MSH3: variants seen among roughly 807,000 people sequenced by gnomAD.
MSH3 encodes the protein DNA mismatch repair protein Msh3.
In MSH3, 106 loss-of-function variants were observed where a neutral mutation model predicts 123.3. That is an observed-to-expected ratio of 0.86 (90% CI 0.73 to 1.01). The LOEUF (loss-of-function observed/expected upper bound fraction) is 1.01, where lower values mean the gene tolerates loss of function less well. MSH3 is among the 50% of genes least tolerant of loss of function. The probability of loss-of-function intolerance (pLI) is 0.00; values close to 1 mark genes in which losing one functional copy is unlikely to be tolerated. For synonymous variants in MSH3, 515 were observed against 481.4 expected (o/e 1.07, Z -0.91); for missense variants, 1,459 against 1,347.6 (o/e 1.08, Z -1.29).
intron 11 of MSH3, 104 bp downstream of exon 11, chr5:80,741,652 T>G: frequency 1.3e-6 from 1 of 794,852 alleles, no homozygotes; most frequent in East Asian, 2.5e-5. Flanking sequence ...TATAGTGTCT[T>G]TAGCTGACTG....
At chr5:80,834,773 C>A (rs1430990755) in intron 20 of MSH3, among the ~76,000 whole-genome samples, 1 of 151,888 alleles carries the variant, frequency 6.6e-6, no homozygotes, top group Non-Finnish European at 1.5e-5. Flanking sequence ...AGAGTCAAGA[C>A]CATTGCCTAA....
chr5:80,875,620 A>G, intron 23 of MSH3, 131 bp from the exon 24 acceptor site: 2 of 634,698 alleles, frequency 3.2e-6, no homozygotes, highest in Non-Finnish European at 5.7e-6. Context: ...GAAGGGTGAC[A>G]CTGACACAGC....
In MSH3 at chr5:80,767,963, A is replaced by G. The variant is rs1478729377; in HGVS notation, c.1927A>G (p.Lys643Glu). Reference protein sequence around the residue: ...CSTQEFFLIVKTLYHLKSEFQ... With the variant: ...CSTQEFFLIVETLYHLKSEFQ... ...TACCCAAGAGTTCTTCTTGATTGTC[A>G]AAACTTTATATCACCTAAAGTCAGA... The change falls in exon 14 of 24, where the codon AAA becomes GAA. Residue 643 changes from lysine to glutamate, a missense_variant. By Grantham distance (56) the Lys-to-Glu change is moderately conservative. Transcript: ENST00000265081. 1.2e-6 allele frequency: 2 copies of G among 1,612,868 alleles called. No individual in the cohort carries two copies. Among genetic ancestry groups the G allele is most frequent in the South Asian group, 1.1e-5 (1 of 91,058 alleles).
At chr5:80,698,946 A>G (rs1002581201) in intron 8 of MSH3, among the ~76,000 whole-genome samples, 1 of 152,200 alleles carries the variant, frequency 6.6e-6, no homozygotes, top group Admixed American at 6.5e-5. Flanking sequence ...AACTTAAAGT[A>G]TAATAAAAAT....
At chr5:80,717,900 T>C (rs1750996611) in intron 8 of MSH3, among the ~76,000 whole-genome samples, 1 of 152,230 alleles carries the variant, frequency 6.6e-6, no homozygotes, top group Non-Finnish European at 1.5e-5. Context: ...TGATGGAACA[T>C]TGGTAGTTGC....
At chr5:80,684,125 C>A (rs1021469594) in intron 8 of MSH3, among the ~76,000 whole-genome samples, 2 of 152,122 alleles carry the variant, frequency 1.3e-5, no homozygotes, top group African/African-American at 4.8e-5. Context: ...TGTGATACCT[C>A]CAATTTTGTC....
chr5:80,786,971 A>G (rs1233566189), intron 17 of MSH3, among the ~76,000 whole-genome samples: 1 of 152,018 alleles, frequency 6.6e-6, no homozygotes, highest in African/African-American at 2.4e-5. Flanking sequence ...CATTATTAAT[A>G]AGATAACTGA....
rs565965930 is a variant in MSH3 at position 80,729,490 on chromosome 5, G to A, written c.1568+525G>A. Among the ~76,000 whole-genome samples, 85 of 143,550 alleles carry A rather than the reference G, an allele frequency of 5.9e-4. No homozygotes were observed. In the Middle Eastern group the frequency reaches 0.011, roughly 18 times the overall value. 94.2% of individuals were successfully genotyped at this position (143,550 alleles called of 152,430 possible). A position where few individuals can be genotyped will look rare whatever the true frequency, so the allele number is the denominator to read the frequency against. On this transcript the variant is annotated intron_variant, in intron 10 of 23. Transcript: ENST00000265081. The stretch of plus-strand genomic sequence containing the variant: ...TATATATATATATATAAAGAATTCT[G>A]TCAAATAAATTGTATTCATGATAGC...
intron 6 of MSH3, among the ~76,000 whole-genome samples, chr5:80,674,387 A>T (rs1366186191): frequency 2.0e-5 from 3 of 152,212 alleles, no homozygotes; most frequent in Non-Finnish European, 4.4e-5. Context: ...GTCTTGCTAT[A>T]TCTGGGAGCT....
At chr5:80,783,927 A>G (rs934984334) in intron 17 of MSH3, among the ~76,000 whole-genome samples, 1 of 152,098 alleles carries the variant, frequency 6.6e-6, no homozygotes, top group Non-Finnish European at 1.5e-5. Flanking sequence ...AGTCAGAGCC[A>G]TGGCTGACGC....
At chr5:80,762,770 A>C (rs1351036296) in intron 13 of MSH3, among the ~76,000 whole-genome samples, 2 of 144,288 alleles carry the variant, frequency 1.4e-5, no homozygotes, top group African/African-American at 5.3e-5. Context: ...ATTTTATTTT[A>C]TTTTAATTTT....
chr5:80,873,363 A>G, intron 23 of MSH3, 76 bp downstream of exon 23: 1 of 1,435,872 alleles, frequency 7.0e-7, no homozygotes, highest in South Asian at 1.2e-5. Context: ...GGAGCGTCCT[A>G]AAAATGAACA....
chr5:80,714,416 A>G (rs995654857), intron 8 of MSH3, among the ~76,000 whole-genome samples: 7 of 152,088 alleles, frequency 4.6e-5, no homozygotes, highest in African/African-American at 1.7e-4. Flanking sequence ...GATTACAGGT[A>G]TGAGCCACCA....
At chr5:80,840,793 G>C (rs1745608077) in intron 20 of MSH3, among the ~76,000 whole-genome samples, 1 of 150,806 alleles carries the variant, frequency 6.6e-6, no homozygotes, top group Non-Finnish European at 1.5e-5. Flanking sequence ...CCCGCCCTGT[G>C]CCAATGTGTT....
At chr5:80,684,965 G>A (rs1402852587) in intron 8 of MSH3, among the ~76,000 whole-genome samples, 1 of 151,694 alleles carries the variant, frequency 6.6e-6, no homozygotes, top group Non-Finnish European at 1.5e-5. Flanking sequence ...GTATCATAGT[G>A]ACTGATTTGC....
chr5:80,831,191 G>A (rs532142976), intron 20 of MSH3, among the ~76,000 whole-genome samples: 1 of 152,234 alleles, frequency 6.6e-6, no homozygotes, highest in East Asian at 1.9e-4. Context: ...GCTAGAAGAA[G>A]GCTAGTTATT....
intron 22 of MSH3, among the ~76,000 whole-genome samples, chr5:80,871,465 TAC>T (rs1231310816): frequency 6.6e-6 from 1 of 152,192 alleles, no homozygotes; most frequent in Admixed American, 6.5e-5. Flanking sequence ...CTCACAGGGC[TAC>T]AGTCAGTCAC....
intron 10 of MSH3, among the ~76,000 whole-genome samples, chr5:80,732,677 A>G (rs1443347092): frequency 6.6e-6 from 1 of 152,194 alleles, no homozygotes; most frequent in Non-Finnish European, 1.5e-5. Context: ...TCAGGAATAT[A>G]AAAACGATTG....
In MSH3 at chr5:80,692,011, A is replaced by ATATGTTTAGATAGATAAACAG. The variant is rs556330137; in HGVS notation, c.1340+12939_1340+12959dup. On this transcript the variant is annotated intron_variant, in intron 8 of 23. Coordinates refer to ENST00000265081, the MANE Select transcript of MSH3 (RefSeq NM_002439.5). Reference sequence around the variant, plus strand: ...TATATGTTTAGATAGATAAACATGTATATGTTTAGATAGATAAACAGTATG... The same window carrying ATATGTTTAGATAGATAAACAG: ...TATATGTTTAGATAGATAAACATGTATATGTTTAGATAGATAAACAGTATGTTTAGATAGATAAACAGTATG... 3.9e-4 allele frequency among the ~76,000 whole-genome samples: 38 copies of ATATGTTTAGATAGATAAACAG among 96,838 alleles called. 2 individuals are homozygous for ATATGTTTAGATAGATAAACAG. The highest frequency in any genetic ancestry group is 1.2e-3 in the African/African-American group (31 of 25,526). 63.5% of individuals were successfully genotyped at this position (96,838 alleles called of 152,430 possible).
Sources: gnomAD v4.1 joint callset for allele counts (sites outside exome capture counted in the v4.1 genomes callset) on GRCh38, gnomAD v4.1.1 for gene constraint, MANE v1.5 for transcripts, NCBI Gene and HGNC (gene_info 2026-07-23, HGNC 2026-07-21) for gene names.